SLC16A7: variants seen among roughly 807,000 people sequenced by gnomAD.
SLC16A7 encodes the protein monocarboxylate transporter 2.
SLC16A7 carries 33 observed loss-of-function variants against 34.9 expected under a neutral mutation model. That is an observed-to-expected ratio of 0.94 (90% CI 0.72 to 1.26). The LOEUF (loss-of-function observed/expected upper bound fraction) is 1.26, where lower values mean the gene tolerates loss of function less well. SLC16A7 is among the 50% of genes most tolerant of loss of function. The probability of loss-of-function intolerance (pLI) is 0.00; values close to 1 mark genes in which losing one functional copy is unlikely to be tolerated. For synonymous variants in SLC16A7, 201 were observed against 206.6 expected (o/e 0.97, Z 0.23); for missense variants, 573 against 578.1 (o/e 0.99, Z 0.09).
At chr12:59,690,288 T>C (rs1437870927) in intron 2 of SLC16A7, among the ~76,000 whole-genome samples, 1 of 152,008 alleles carries the variant, frequency 6.6e-6, no homozygotes, top group Non-Finnish European at 1.5e-5. Flanking sequence ...AGGGGAGCAC[T>C]GTTCAGCACT....
At chr12:59,606,380 A>G (rs1311980232) in intron 1 of SLC16A7, among the ~76,000 whole-genome samples, 1 of 152,224 alleles carries the variant, frequency 6.6e-6, no homozygotes, top group Non-Finnish European at 1.5e-5. Flanking sequence ...AAACACACGT[A>G]AAAACTACCA....
intron 1 of SLC16A7, among the ~76,000 whole-genome samples, chr12:59,611,683 A>G (rs1352881379): frequency 6.6e-6 from 1 of 152,238 alleles, no homozygotes; most frequent in East Asian, 1.9e-4. Flanking sequence ...CTGTAAAATC[A>G]AAAGCAAGTT....
rs766869065 is a variant in SLC16A7 at position 59,775,229 on chromosome 12, C to G, written c.934C>G (p.Arg312Gly). The G allele has an allele frequency of 6.2e-7, 1 of 1,613,990 alleles. No individual in the cohort carries two copies. The highest frequency in any genetic ancestry group is 8.5e-7 in the Non-Finnish European group (1 of 1,180,004). ...LIANSKYIRP[R>G]IQYFFSFAIM... is the part of the protein sequence containing the mutation. ...TGCAAACTCCAAATATATTCGACCT[C>G]GAATTCAGTACTTCTTCAGTTTTGC... The change falls in exon 5 of 6, where the codon CGA becomes GGA. Residue 312 changes from arginine to glycine, a missense_variant. Coordinates refer to ENST00000547379, the MANE Select transcript of SLC16A7 (RefSeq NM_001270623.2).
At chr12:59,654,374 G>T (rs1016833124) in intron 1 of SLC16A7, among the ~76,000 whole-genome samples, 1 of 151,374 alleles carries the variant, frequency 6.6e-6, no homozygotes, top group Non-Finnish European at 1.5e-5. Flanking sequence ...TATATGTATT[G>T]ATATTTTACA....
intron 2 of SLC16A7, among the ~76,000 whole-genome samples, chr12:59,682,447 A>T (rs1870814358): frequency 6.6e-6 from 1 of 152,206 alleles, no homozygotes; most frequent in South Asian, 2.1e-4. Flanking sequence ...CGCTATAGTG[A>T]ATATAAATGA....
chr12:59,726,992 C>A (rs955603621), intron 3 of SLC16A7, among the ~76,000 whole-genome samples: 1 of 151,796 alleles, frequency 6.6e-6, no homozygotes, highest in African/African-American at 2.4e-5. Flanking sequence ...ATACTAAATT[C>A]ATTTACTTAT....
chr12:59,605,842 G>A (rs1365236155), intron 1 of SLC16A7, among the ~76,000 whole-genome samples: 2 of 152,136 alleles, frequency 1.3e-5, no homozygotes, highest in African/African-American at 4.8e-5. Flanking sequence ...TTTGAAGACA[G>A]ATAGATATAG....
chr12:59,655,635 T>A (rs1025344181), intron 2 of SLC16A7, among the ~76,000 whole-genome samples: 1 of 151,900 alleles, frequency 6.6e-6, no homozygotes, highest in South Asian at 2.1e-4. Context: ...AGGTATATAC[T>A]TTTAGTTATT....
At chr12:59,697,727 A>C (rs1565655370) in intron 2 of SLC16A7, among the ~76,000 whole-genome samples, 1 of 151,586 alleles carries the variant, frequency 6.6e-6, no homozygotes. Context: ...AAAAAAAAAA[A>C]GTCTGCCTCA....
chr12:59,660,557 A>AG (rs1038358616), intron 2 of SLC16A7, among the ~76,000 whole-genome samples: 2 of 151,522 alleles, frequency 1.3e-5, no homozygotes, highest in Admixed American at 1.3e-4. Context: ...AAAAAAAAAA[A>AG]TTAAAAATTA....
chr12:59,750,112 C>G (rs1459870202), intron 3 of SLC16A7, among the ~76,000 whole-genome samples: 2 of 152,138 alleles, frequency 1.3e-5, no homozygotes, highest in Non-Finnish European at 2.9e-5. Flanking sequence ...CATAAAAACC[C>G]TAGGAGAAAA....
At chr12:59,637,665 G>T (rs187348612) in intron 1 of SLC16A7, among the ~76,000 whole-genome samples, 1 of 152,148 alleles carries the variant, frequency 6.6e-6, no homozygotes. Flanking sequence ...CAAAGACCCA[G>T]GGAAAACCGT....
intron 1 of SLC16A7, among the ~76,000 whole-genome samples, chr12:59,649,957 C>T (rs1027477): frequency 0.12 from 18,731 of 151,290 alleles, 2,006 homozygotes; most frequent in East Asian, 0.63. Flanking sequence ...CCCCCCTCCC[C>T]ACCAAAAAAA....
At chr12:59,733,209 G>A (rs868537504) in intron 3 of SLC16A7, among the ~76,000 whole-genome samples, 2 of 152,168 alleles carry the variant, frequency 1.3e-5, no homozygotes, top group African/African-American at 4.8e-5. Context: ...GTTCAAGCCT[G>A]CTGGGCTCAT....
intron 1 of SLC16A7, among the ~76,000 whole-genome samples, chr12:59,602,159 G>A (rs562063152): frequency 1.4e-4 from 21 of 152,212 alleles, no homozygotes; most frequent in African/African-American, 4.8e-4. Context: ...AAATTATTTT[G>A]CCTTTCATTA....
At chr12:59,723,452 T>G (rs1341384431) in intron 3 of SLC16A7, among the ~76,000 whole-genome samples, 2 of 151,950 alleles carry the variant, frequency 1.3e-5, no homozygotes, top group Admixed American at 1.3e-4. Context: ...GTAAAATTTA[T>G]TAAAGCTTCA....
At chr12:59,730,891 G>A (rs1020823300) in intron 3 of SLC16A7, among the ~76,000 whole-genome samples, 1 of 152,114 alleles carries the variant, frequency 6.6e-6, no homozygotes, top group Non-Finnish European at 1.5e-5. Context: ...ATGTATAGCA[G>A]TGTTTATCCC....
chr12:59,755,084 A>G (rs562361759), intron 3 of SLC16A7, among the ~76,000 whole-genome samples: 1 of 152,360 alleles, frequency 6.6e-6, no homozygotes, highest in South Asian at 2.1e-4. Context: ...CTCTCAATAA[A>G]TTAGGTATTG....
At chr12:59,613,273 C>A (rs1879285525) in intron 1 of SLC16A7, among the ~76,000 whole-genome samples, 2 of 152,180 alleles carry the variant, frequency 1.3e-5, no homozygotes, top group African/African-American at 4.8e-5. Flanking sequence ...TGTGAGAACT[C>A]ACTCACTATC....
Sources: gnomAD v4.1 joint callset for allele counts (sites outside exome capture counted in the v4.1 genomes callset) on GRCh38, gnomAD v4.1.1 for gene constraint, MANE v1.5 for transcripts, NCBI Gene and HGNC (gene_info 2026-07-23, HGNC 2026-07-21) for gene names.